SYNE1: variants seen among roughly 807,000 people sequenced by gnomAD.
The protein encoded by SYNE1 is nesprin-1.
SYNE1 carries 616 observed loss-of-function variants against 1,111.0 expected under a neutral mutation model. The ratio of observed to expected loss-of-function variants is 0.55; its 90% CI spans 0.52 to 0.59. The LOEUF (loss-of-function observed/expected upper bound fraction) is 0.59. SYNE1 is among the 20% of genes least tolerant of loss of function. The pLI is 0.00. For missense variants in SYNE1, 10,006 were observed against 10,417.0 expected (o/e 0.96, Z 1.72); for synonymous variants, 3,855 against 3,825.8 (o/e 1.01, Z -0.28).
chr6:152,490,869 C>A (rs186493897), intron 11 of SYNE1, among the ~76,000 whole-genome samples: 1 of 152,166 alleles, frequency 6.6e-6, no homozygotes, highest in African/African-American at 2.4e-5. Context: ...GAACATCTTA[C>A]CAATTTCAAA....
At chr6:152,347,682 CTT>C (rs11451810) in intron 72 of SYNE1, among the ~76,000 whole-genome samples, 16 of 138,958 alleles carry the variant, frequency 1.2e-4, no homozygotes, top group Non-Finnish European at 1.8e-4. Context: ...TTTTGTCATT[CTT>C]TTTTTTTTTT....
chr6:152,456,844 T>G (rs758429903), intron 22 of SYNE1: 68 of 333,440 alleles, frequency 2.0e-4, no homozygotes, highest in South Asian at 3.6e-4. Flanking sequence ...TTGGATGCCA[T>G]TTTTGGATAT....
intron 116 of SYNE1, 73 bp downstream of exon 116, chr6:152,225,648 A>C (rs1250831173): frequency 1.9e-6 from 3 of 1,595,088 alleles, no homozygotes; most frequent in Non-Finnish European, 2.6e-6. Context: ...CTACTTTAGG[A>C]AAACCAAAAC....
At position 152,148,696 on chromosome 6, in the gene SYNE1, T is replaced by A. The variant is rs2059917156; in HGVS notation, c.24643-318A>T. Among the ~76,000 whole-genome samples, 2 of 149,578 alleles carry A rather than the reference T, an allele frequency of 1.3e-5. No individual in the cohort carries two copies. Among genetic ancestry groups the A allele is most frequent in the African/African-American group, 4.9e-5 (2 of 40,570 alleles). On this transcript the variant is annotated intron_variant, in intron 136 of 145. Coordinates refer to ENST00000367255, the MANE Select transcript of SYNE1 (RefSeq NM_182961.4). This position sits in a 1 kb window ranked among gnomAD's most constrained non-coding sequence, Gnocchi z 4.1. ...TTTTTTTTTTTTGAGTGGGAAAAAA[T>A]TAAAAAGTCTTATAAATTATCCTAC...
intron 14 of SYNE1, among the ~76,000 whole-genome samples, chr6:152,477,463 T>C (rs1186916097): frequency 2.6e-5 from 4 of 152,164 alleles, no homozygotes; most frequent in South Asian, 2.1e-4. Context: ...GATGAGAACA[T>C]TCCAGAAGGA....
intron 3 of SYNE1, among the ~76,000 whole-genome samples, chr6:152,572,209 G>C (rs961632649): frequency 6.6e-6 from 1 of 152,142 alleles, no homozygotes; most frequent in African/African-American, 2.4e-5. Flanking sequence ...GTAATGAAGT[G>C]TAACAATTGA....
At chr6:152,573,740 C>A (rs1424148386) in intron 3 of SYNE1, among the ~76,000 whole-genome samples, 2 of 152,148 alleles carry the variant, frequency 1.3e-5, no homozygotes, top group Non-Finnish European at 2.9e-5. Context: ...CACTCTAATT[C>A]ATATGCTCAA....
At chr6:152,270,287 C>T (rs1469188684) in intron 98 of SYNE1, among the ~76,000 whole-genome samples, 1 of 152,162 alleles carries the variant, frequency 6.6e-6, no homozygotes, top group Admixed American at 6.5e-5. Flanking sequence ...AAGTCATTTA[C>T]TGTGGGCACG....
chr6:152,284,727 T>C (rs981537619), intron 95 of SYNE1, among the ~76,000 whole-genome samples: 7 of 150,282 alleles, frequency 4.7e-5, no homozygotes, highest in Non-Finnish European at 1.0e-4. Flanking sequence ...ATCACAGGCA[T>C]GAGCCACCAC....
At position 152,331,904 on chromosome 6, in the gene SYNE1, G is replaced by T. The variant is rs1421209284; in HGVS notation, c.12795-14C>A. 1.2e-6 allele frequency: 2 copies of T among 1,608,028 alleles called. No homozygotes were observed. Among genetic ancestry groups the T allele is most frequent in the Admixed American group, 1.7e-5 (1 of 60,024 alleles). ...TCTGCATCAGATCTGAAAATACATG[G>T]AAAGGTATAAGAGCAAATTAGCTGT... On this transcript the variant is annotated splice_polypyrimidine_tract_variant and intron_variant, in intron 77 of 145. Coordinates refer to ENST00000367255, the MANE Select transcript of SYNE1 (RefSeq NM_182961.4).
rs745734855 is a variant in SYNE1 at position 152,220,843 on chromosome 6, T to C, written c.21860A>G (p.Asn7287Ser). Reference sequence around the variant, plus strand: ...AAACAAGGTAGCTCCTGAACATACGTTGCAATCTTGAATCCATGTGGCAAC... The same window carrying C: ...AAACAAGGTAGCTCCTGAACATACGCTGCAATCTTGAATCCATGTGGCAAC... ...DEVATWIQDCNDLLKGLGTVK... is the reference protein window; with the variant it reads ...DEVATWIQDCSDLLKGLGTVK... Residue 7287 changes from asparagine to serine, a missense_variant and splice_region_variant, in exon 119 of 146, where the codon AAC becomes AGC. Physicochemically the swap from Asn to Ser is conservative, Grantham distance 46 (BLOSUM62 1). Transcript: ENST00000367255. 59 of 1,613,346 alleles carry C rather than the reference T, an allele frequency of 3.7e-5. No homozygotes were observed. Among genetic ancestry groups the C allele is most frequent in the Non-Finnish European group, 5.0e-5 (59 of 1,179,832 alleles).
intron 92 of SYNE1, 33 bp downstream of exon 92, chr6:152,301,836 G>A (rs1305123534): frequency 2.5e-6 from 4 of 1,582,176 alleles, no homozygotes; most frequent in Non-Finnish European, 3.4e-6. Context: ...TCCAGTCAAA[G>A]AGCAAAGCCG....
intron 49 of SYNE1, 130 bp from the exon 50 acceptor site, chr6:152,397,110 G>T (rs944210278): frequency 1.1e-6 from 1 of 881,608 alleles, no homozygotes. Flanking sequence ...TAAAAATGAT[G>T]CATACAATTG....
chr6:152,501,505 CA>C (rs1461614628), intron 10 of SYNE1, among the ~76,000 whole-genome samples: 1 of 152,166 alleles, frequency 6.6e-6, no homozygotes. Flanking sequence ...GAGGCAGAGG[CA>C]GGCAGATCAC....
At chr6:152,185,318 C>T (rs1335923918) in intron 128 of SYNE1, 1 of 152,364 alleles carries the variant, frequency 6.6e-6, no homozygotes, top group Non-Finnish European at 1.5e-5. Flanking sequence ...GTACTCCAGA[C>T]TCCTCATCAA....
intron 119 of SYNE1, among the ~76,000 whole-genome samples, chr6:152,219,474 G>T (rs1280744091): frequency 1.1e-5 from 1 of 93,880 alleles, no homozygotes; most frequent in South Asian, 3.6e-4. Context: ...GGGAAATGCA[G>T]AAAAACATAC....
intron 97 of SYNE1, among the ~76,000 whole-genome samples, chr6:152,280,037 A>T (rs1245368731): frequency 6.6e-6 from 1 of 152,196 alleles, no homozygotes; most frequent in East Asian, 1.9e-4. Flanking sequence ...TACCACAGCA[A>T]TTGTAAAACT....
chr6:152,326,334 C>T lies in SYNE1; in HGVS notation c.15255G>A (p.Met5085Ile), dbSNP rs1486875412. Reference protein sequence around the residue: ...VASLELRSQRMSRDSGAQVDL... With the variant: ...VASLELRSQRISRDSGAQVDL... ...CCACTTGGGCACCAGAGTCCCGGCT[C>T]ATCCTCTGGCTCCTGAGTTCCAGAG... Residue 5085 changes from methionine (M) to isoleucine (I), a missense_variant, in exon 79 of 146, where the codon ATG becomes ATA. Around this residue, in one of 7 missense-constraint regions of SYNE1, gnomAD observed 4,955 missense variants for 5,017.2 expected, o/e 0.99. Transcript: ENST00000367255. The T allele has an allele frequency of 6.2e-7, 1 of 1,614,140 alleles. No individual in the cohort carries two copies. The highest frequency in any genetic ancestry group is 2.2e-5 in the East Asian group (1 of 44,894).
At chr6:152,582,689 C>T (rs996584261) in intron 3 of SYNE1, among the ~76,000 whole-genome samples, 3 of 151,994 alleles carry the variant, frequency 2.0e-5, no homozygotes, top group Non-Finnish European at 2.9e-5. Flanking sequence ...ATTACCCAAA[C>T]AGTGAAAACT....
Sources: gnomAD v4.1 joint callset for allele counts (sites outside exome capture counted in the v4.1 genomes callset) on GRCh38, gnomAD v4.1.1 for gene constraint, gnomAD v4.1.1 regional missense constraint, Gnocchi (gnomAD v3.1) non-coding constraint, MANE v1.5 for transcripts, NCBI Gene and HGNC (gene_info 2026-07-23, HGNC 2026-07-21) for gene names.